The following C4BPA variants were observed in gnomAD, a reference collection of about 807,000 sequenced individuals.
The protein encoded by C4BPA is complement component 4 binding protein alpha.
In C4BPA, 31 loss-of-function variants were observed where a neutral mutation model predicts 63.7. The ratio of observed to expected loss-of-function variants is 0.49; its 90% CI spans 0.37 to 0.66. The LOEUF is 0.66. Ranked by LOEUF, C4BPA falls within the 30% of genes least tolerant of loss-of-function variation. The probability of loss-of-function intolerance (pLI) is 0.00; values close to 1 mark genes in which losing one functional copy is unlikely to be tolerated. For missense variants in C4BPA, 572 were observed against 723.3 expected, an observed-to-expected ratio of 0.79 and a Z score of 2.40; for synonymous variants, 259 against 254.7, an observed-to-expected ratio of 1.02 and a Z score of -0.16.
At chr1:207,136,466 C>T (rs1471165726) in intron 9 of C4BPA, among the ~76,000 whole-genome samples, 1 of 152,198 alleles carries the variant, frequency 6.6e-6, no homozygotes, top group African/African-American at 2.4e-5. Flanking sequence ...GCCCAATCTT[C>T]CAATCTTTCT....
intron 7 of C4BPA, among the ~76,000 whole-genome samples, chr1:207,129,692 T>C (rs894712772): frequency 6.6e-6 from 1 of 152,132 alleles, no homozygotes; most frequent in Non-Finnish European, 1.5e-5. Flanking sequence ...TGCAGAAAGA[T>C]AAAAACCTCA....
In C4BPA at chr1:207,123,912, T is replaced by C. The variant is rs1324248251; in HGVS notation, c.429-10T>C. 1.0e-5 allele frequency: 16 copies of C among 1,563,016 alleles called. No individual in the cohort carries two copies. The highest frequency in any genetic ancestry group is 1.4e-5 in the Non-Finnish European group (16 of 1,136,886). Reference sequence around the variant, plus strand: ...GAATTCCATTAAAATCTTTGATCTATCTTATTCAGATTTTTCTTAATTGGC... The same window carrying C: ...GAATTCCATTAAAATCTTTGATCTACCTTATTCAGATTTTTCTTAATTGGC... On this transcript the variant is annotated splice_polypyrimidine_tract_variant and intron_variant, in intron 4 of 11. Coordinates refer to ENST00000367070, the MANE Select transcript of C4BPA (RefSeq NM_000715.4).
intron 10 of C4BPA, among the ~76,000 whole-genome samples, chr1:207,141,540 A>G (rs1572801112): frequency 6.6e-6 from 1 of 152,208 alleles, no homozygotes; most frequent in African/African-American, 2.4e-5. Context: ...ATTTCCAGAA[A>G]TATTCTAAAA....
At chr1:207,121,812 T>G (rs4446969) in intron 4 of C4BPA, among the ~76,000 whole-genome samples, 88,496 of 151,718 alleles carry the variant, frequency 0.58, 27,147 homozygotes, top group East Asian at 0.73. Context: ...TAAACAACAA[T>G]AAACTTATCT....
intron 1 of C4BPA, among the ~76,000 whole-genome samples, chr1:207,107,543 C>T (rs77306360): frequency 0.026 from 4,026 of 151,996 alleles, 162 homozygotes; most frequent in African/African-American, 0.092. Context: ...AGAGTGAGAC[C>T]CTGTCTCAAA....
At chr1:207,141,358 C>T (rs1167503969) in intron 10 of C4BPA, 82 bp downstream of exon 10, 2 of 1,031,776 alleles carry the variant, frequency 1.9e-6, no homozygotes, top group Non-Finnish European at 1.4e-6. Flanking sequence ...TCTTCCCTGT[C>T]AGAGGCAGCA....
rs575996540 is a variant in C4BPA, at chr1:207,113,554, A to G, written c.142+387A>G. On this transcript the variant is annotated intron_variant, in intron 2 of 11. Coordinates refer to ENST00000367070, the MANE Select transcript of C4BPA (RefSeq NM_000715.4). ...CAAAAAAAGCAAAGTTAAGATTTTT[A>G]TGCTTCAAGGGCTCCATGCTTCTTC... Among the ~76,000 whole-genome samples the G allele has an allele frequency of 5.9e-5, 9 of 152,324 alleles. No homozygotes were observed. In the East Asian group the frequency reaches 1.7e-3, roughly 29 times the overall value.
At position 207,124,221 on chromosome 1, in the gene C4BPA, C is replaced by T. The variant is rs368827962; in HGVS notation, c.561C>T (p.Ser187=). The T allele has an allele frequency of 6.4e-5, 104 of 1,613,784 alleles. No individual in the cohort carries two copies. Among genetic ancestry groups the T allele is most frequent in the African/African-American group, 2.3e-4 (17 of 74,894 alleles). The change falls in exon 6 of 12, where the codon AGC becomes AGT. Residue 187 remains serine, a synonymous_variant. Coordinates refer to ENST00000367070, the MANE Select transcript of C4BPA (RefSeq NM_000715.4). ...PPPDIRNGRH[S]GEENFYAYGF... ...CAGACATCAGGAATGGAAGGCACAG[C>T]GGTGAAGAAAATTTCTACGCATACG...
rs1418319260 is a variant in C4BPA, at chr1:207,134,430, A to T, written c.1111A>T (p.Asn371Tyr). The T allele has an allele frequency of 1.9e-6, 3 of 1,613,582 alleles. No individual in the cohort carries two copies. Among genetic ancestry groups the T allele is most frequent in the Non-Finnish European group, 2.5e-6 (3 of 1,179,762 alleles). ...GTTATGTTGCCCTGAACCAAAGCTA[A>T]ATAATGGTGAAATCACTCAACACAG... ...EALCCPEPKLNNGEITQHRKS... is the reference protein window; with the variant it reads ...EALCCPEPKLYNGEITQHRKS... Residue 371 changes from asparagine (N) to tyrosine (Y), a missense_variant, in exon 9 of 12, where the codon AAT becomes TAT. This residue lies in a region of C4BPA where 465 missense variants were observed against 629.4 expected (regional missense o/e 0.74). Coordinates refer to ENST00000367070, the MANE Select transcript of C4BPA (RefSeq NM_000715.4).
intron 10 of C4BPA, 110 bp downstream of exon 10, chr1:207,141,386 ATTT>A: frequency 1.2e-6 from 1 of 814,922 alleles, no homozygotes. Flanking sequence ...ATTTGATTTG[ATTT>A]ATATTAAATA....
At chr1:207,126,147 G>A (rs1183238612) in intron 6 of C4BPA, among the ~76,000 whole-genome samples, 1 of 151,942 alleles carries the variant, frequency 6.6e-6, no homozygotes, top group South Asian at 2.1e-4. Context: ...TGGTAGGGAA[G>A]TTGGAGGAGC....
At chr1:207,118,213 G>GTCTATCTATCATCTA (rs142367338) in intron 4 of C4BPA, among the ~76,000 whole-genome samples, 3 of 137,384 alleles carry the variant, frequency 2.2e-5, no homozygotes, top group Admixed American at 7.5e-5. Context: ...TCTATCATCT[G>GTCTATCTATCATCTA]TCTATCTATC....
At position 207,134,473 on chromosome 1, in the gene C4BPA, A is replaced by T. The variant is rs1486379393; in HGVS notation, c.1154A>T (p.Asn385Ile). Residue 385 changes from asparagine (N) to isoleucine (I), a missense_variant, in exon 9 of 12, where the codon AAT (asparagine) becomes ATT (isoleucine). Asn to Ile is a moderately radical substitution (Grantham distance 149). This residue lies in a region of C4BPA where 465 missense variants were observed against 629.4 expected (regional missense o/e 0.74). Coordinates refer to ENST00000367070, the MANE Select transcript of C4BPA (RefSeq NM_000715.4). The stretch of plus-strand genomic sequence containing the variant: ...CAACACAGGAAAAGTCGTCCTGCCA[A>T]TCACTGTGTTTATTTCTATGGAGAT... ...ITQHRKSRPANHCVYFYGDEI... is the reference protein window; with the variant it reads ...ITQHRKSRPAIHCVYFYGDEI... 1 of 1,613,784 alleles carries T rather than the reference A, an allele frequency of 6.2e-7. No individual in the cohort carries two copies. The highest frequency in any genetic ancestry group is 1.7e-5 in the Admixed American group (1 of 60,028).
intron 9 of C4BPA, among the ~76,000 whole-genome samples, chr1:207,139,785 T>C (rs1309112404): frequency 6.6e-6 from 1 of 152,218 alleles, no homozygotes; most frequent in Non-Finnish European, 1.5e-5. Context: ...TTCATTACTG[T>C]GCAAACCTTC....
chr1:207,131,468 T>C (rs1298451654), intron 7 of C4BPA, 78 bp from the exon 8 acceptor site: 3 of 988,786 alleles, frequency 3.0e-6, no homozygotes, highest in Non-Finnish European at 3.0e-6. Flanking sequence ...CCCCCTTTGA[T>C]AGGACAGGCT....
At chr1:207,128,696 T>C (rs1685099817) in intron 7 of C4BPA, among the ~76,000 whole-genome samples, 1 of 152,226 alleles carries the variant, frequency 6.6e-6, no homozygotes, top group Non-Finnish European at 1.5e-5. Flanking sequence ...GTCTGAGGCA[T>C]GCTGTTAGAT....
At chr1:207,139,959 A>T (rs1194226943) in intron 9 of C4BPA, among the ~76,000 whole-genome samples, 1 of 152,104 alleles carries the variant, frequency 6.6e-6, no homozygotes, top group Non-Finnish European at 1.5e-5. Flanking sequence ...ATTTCTTTTG[A>T]TGGTACAAAT....
At chr1:207,120,786 T>C (rs1273444484) in intron 4 of C4BPA, among the ~76,000 whole-genome samples, 2 of 152,214 alleles carry the variant, frequency 1.3e-5, no homozygotes, top group South Asian at 2.1e-4. Flanking sequence ...TAGTAGTATA[T>C]AGAGTTTGCT....
rs1172476206 is a variant in C4BPA, at chr1:207,141,310, G to C, written c.1444+34G>C. On this transcript the variant is annotated intron_variant, in intron 10 of 11. Coordinates refer to ENST00000367070, the MANE Select transcript of C4BPA (RefSeq NM_000715.4). ...AGCTTCCTTTTCAGCTCAAGATTAA[G>C]TGGGTGGACGTGTCCTGAGAGCACT... The C allele has an allele frequency of 3.8e-6, 6 of 1,568,542 alleles. No individual in the cohort carries two copies. In the South Asian group the frequency reaches 5.7e-5, roughly 15 times the overall value.
Sources: allele counts gnomAD v4.1 joint callset (sites outside exome capture counted in the v4.1 genomes callset), GRCh38; gene constraint gnomAD v4.1.1; regional missense constraint gnomAD v4.1.1; transcripts MANE v1.5; gene names NCBI Gene and HGNC (gene_info 2026-07-23, HGNC 2026-07-21).